Variants in LZTR1 observed in about 807,000 individuals in gnomAD.
LZTR1 encodes the protein leucine zipper like post translational regulator 1.
A neutral mutation model predicts 105.7 loss-of-function variants in LZTR1; 260 were observed. That is an observed-to-expected ratio of 2.46 (90% CI 2.22 to 2.72). The LOEUF is 2.72. LZTR1 is among the 30% of genes most tolerant of loss of function. The pLI is 0.00. For synonymous variants in LZTR1, 490 were observed against 476.4 expected, an observed-to-expected ratio of 1.03 and a Z score of -0.37; for missense variants, 1,214 against 1,166.9, an observed-to-expected ratio of 1.04 and a Z score of -0.59.
rs368817086 is a variant in LZTR1, at chr22:20,987,109, C to T, written c.321-395C>T. 3.8e-4 allele frequency: 60 copies of T among 158,618 alleles called. 1 individual carries two copies. In the South Asian group the frequency reaches 9.0e-3, roughly 24 times the overall value. The allele number at this position is 158,618 out of a possible 1,614,324, so 9.8% of individuals were successfully genotyped here. ...TCACCTTCAAAATACAAAAGTGAAA[C>T]GTAGCTGGGCGCGGTGGCTCACGCC... On this transcript the variant is annotated intron_variant, in intron 3 of 20. Coordinates refer to ENST00000646124, the MANE Select transcript of LZTR1 (RefSeq NM_006767.4).
chr22:20,982,393 G>C lies in LZTR1; in HGVS notation c.22G>C (p.Gly8Arg), dbSNP rs575193991. The change falls in exon 1 of 21, where the codon GGG (glycine) becomes CGG (arginine). Residue 8 changes from glycine to arginine, a missense_variant. Coordinates refer to ENST00000646124, the MANE Select transcript of LZTR1 (RefSeq NM_006767.4). ...CGGGATGGCTGGACCGGGCAGCACGGGGGGGCAGATCGGGGCTGCGGCCCT... is the reference window on the plus strand; with the variant it reads ...CGGGATGGCTGGACCGGGCAGCACGCGGGGGCAGATCGGGGCTGCGGCCCT... MAGPGST[G>R]GQIGAAALAG... 1.2e-5 allele frequency: 18 copies of C among 1,559,652 alleles called. No homozygotes were observed. The highest frequency in any genetic ancestry group is 9.6e-5 in the Admixed American group (5 of 52,028).
Position 20,991,680 on chromosome 22 carries a change from C to A in LZTR1, c.844C>A (p.Gln282Lys). Residue 282 changes from glutamine to lysine, a missense_variant, in exon 9 of 21, where the codon CAG becomes AAG. Transcript: ENST00000646124. ...HLLRGSPPPPQRRYGHTMVAF... is the reference protein window; with the variant it reads ...HLLRGSPPPPKRRYGHTMVAF... ...GCTCCGGGGCTCCCCACCACCCCCG[C>A]AGCGGCGCTACGGGCATACCATGGT... 6.2e-7 allele frequency: 1 copy of A among 1,604,404 alleles called. No homozygotes were observed. Among genetic ancestry groups the A allele is most frequent in the Admixed American group, 1.7e-5 (1 of 59,136 alleles).
intron 5 of LZTR1, among the ~76,000 whole-genome samples, 159 bp from the exon 6 acceptor site, chr22:20,988,627 CTGT>C (rs972262804): frequency 1.3e-5 from 2 of 152,186 alleles, no homozygotes; most frequent in African/African-American, 2.4e-5. Flanking sequence ...GCCTCTGGGG[CTGT>C]TGTTTATTCC....
chr22:20,995,980 T>G lies in LZTR1; in HGVS notation c.2087T>G (p.Phe696Cys), dbSNP rs765187155. 1 of 1,613,636 alleles carries G rather than the reference T, an allele frequency of 6.2e-7. No individual in the cohort carries two copies. The highest frequency in any genetic ancestry group is 1.3e-5 in the African/African-American group (1 of 74,912). ...AARSSYFEAM[F>C]RSFMPEDGQV... ...GTCTGCAGCTACTTTGAAGCCATGTTCCGGTCCTTCATGCCCGAAGATGGG... is the reference window on the plus strand; with the variant it reads ...GTCTGCAGCTACTTTGAAGCCATGTGCCGGTCCTTCATGCCCGAAGATGGG... The change falls in exon 18 of 21, where the codon TTC becomes TGC. Residue 696 changes from phenylalanine to cysteine, a missense_variant. Physicochemically the swap from Phe to Cys is radical, Grantham distance 205. Transcript: ENST00000646124.
Position 20,990,398 on chromosome 22 carries a change from G to A in LZTR1, c.664G>A (p.Gly222Ser). 1 of 1,614,140 alleles carries A rather than the reference G, an allele frequency of 6.2e-7. No individual in the cohort carries two copies. Among genetic ancestry groups the A allele is most frequent in the Non-Finnish European group, 8.5e-7 (1 of 1,180,024 alleles). ...LTCWEEVAQSGEIPPSCCNFP... is the reference protein window; with the variant it reads ...LTCWEEVAQSSEIPPSCCNFP... ...TCTCCCCCTGCAGGTGGCCCAGAGT[G>A]GCGAGATCCCCCCATCTTGCTGCAA... is the stretch of plus-strand genomic sequence containing the variant. Residue 222 changes from glycine to serine, a missense_variant, in exon 8 of 21, where the codon GGC (glycine) becomes AGC (serine). Transcript: ENST00000646124.
At position 20,996,686 on chromosome 22, in the gene LZTR1, C is replaced by G; in HGVS notation, c.2220-10C>G. On this transcript the variant is annotated splice_polypyrimidine_tract_variant and intron_variant, in intron 18 of 20. Coordinates refer to ENST00000646124, the MANE Select transcript of LZTR1 (RefSeq NM_006767.4). ...AGCTTCCTTTAGTCAGCTCCTTAAC[C>G]AGGCCCCAGCTACTTGTTTGCGGCC... 6.8e-6 allele frequency: 11 copies of G among 1,612,374 alleles called. No homozygotes were observed. Among genetic ancestry groups the G allele is most frequent in the Non-Finnish European group, 9.3e-6 (11 of 1,178,904 alleles).
At chr22:20,988,160 G>C (rs1443476012) in intron 5 of LZTR1, 42 bp downstream of exon 5, 7 of 1,317,442 alleles carry the variant, frequency 5.3e-6, no homozygotes, top group African/African-American at 1.5e-5. Flanking sequence ...GCTGGGTCCT[G>C]GGTGGCATTG....
rs1052325845 is a variant in LZTR1, at chr22:20,996,284, G to A, written c.2219+172G>A. 4 of 710,026 alleles carry A rather than the reference G, an allele frequency of 5.6e-6. No homozygotes were observed. The African/African-American group carries it at 7.2e-5, about 13-fold the overall frequency. The allele number at this position is 710,026 out of a possible 1,614,324, so 44.0% of individuals were successfully genotyped here. Reference sequence around the variant, plus strand: ...GGGCCTGGTGCTCTCTGAAGCAGTTGGCAGCTGGCAAGGAGGGGTTTGCAG... The same window carrying A: ...GGGCCTGGTGCTCTCTGAAGCAGTTAGCAGCTGGCAAGGAGGGGTTTGCAG... On this transcript the variant is annotated intron_variant, in intron 18 of 20. Transcript: ENST00000646124.
chr22:20,988,094 G>A lies in LZTR1; in HGVS notation c.485G>A (p.Trp162Ter), dbSNP rs1458120855. The A allele has an allele frequency of 3.7e-6, 6 of 1,611,462 alleles. No homozygotes were observed. Among genetic ancestry groups the A allele is most frequent in the African/African-American group, 2.7e-5 (2 of 74,860 alleles). Residue 162 changes from tryptophan to a stop codon, truncating the protein, a stop_gained, in exon 5 of 21, where the codon TGG (tryptophan) becomes TAG (stop). Transcript: ENST00000646124. LOFTEE classifies it high-confidence loss of function. ...LFEYKFATGQ[W>*]TEWKIEGRLP... ...GAATACAAGTTTGCAACTGGCCAGT[G>A]GACGGAGTGGAAAATTGAAGGACGG...
chr22:20,990,745 C>T (rs1924580053), intron 8 of LZTR1: 1 of 530,866 alleles, frequency 1.9e-6, no homozygotes, highest in Admixed American at 3.6e-5. Flanking sequence ...GAGGAGGCCC[C>T]TGGCTAGGCC....
At chr22:20,986,511 G>C (rs1304578657) in intron 3 of LZTR1, 2 of 152,316 alleles carry the variant, frequency 1.3e-5, no homozygotes, top group Non-Finnish European at 2.9e-5. Context: ...ATAGATAGTG[G>C]ATAGATGATA....
At chr22:20,990,250 C>A in intron 7 of LZTR1, 136 bp from the exon 8 acceptor site, 1 of 1,027,912 alleles carries the variant, frequency 9.7e-7, no homozygotes, top group Non-Finnish European at 1.5e-6. Context: ...TGAGCTGTTC[C>A]AAGACAAAGG....
At chr22:20,985,459 A>G (rs889667967) in intron 2 of LZTR1, among the ~76,000 whole-genome samples, 18 of 141,730 alleles carry the variant, frequency 1.3e-4, no homozygotes, top group Admixed American at 1.1e-3. Flanking sequence ...TGCAGGGTAC[A>G]GCTGCAGAGG....
Position 20,987,497 on chromosome 22 carries a change from A to G in LZTR1, c.321-7A>G, listed in dbSNP as rs764595132. The G allele has an allele frequency of 1.1e-5, 17 of 1,599,882 alleles. No homozygotes were observed. The highest frequency in any genetic ancestry group is 2.2e-5 in the South Asian group (2 of 90,746). On this transcript the variant is annotated splice_region_variant and splice_polypyrimidine_tract_variant and intron_variant, in intron 3 of 20. Coordinates refer to ENST00000646124, the MANE Select transcript of LZTR1 (RefSeq NM_006767.4). ...GCTGACTCTCACCACCCCTGTGCCCACCCCAGGGCCTTTACCACTGGGACC... is the reference window on the plus strand; with the variant it reads ...GCTGACTCTCACCACCCCTGTGCCCGCCCCAGGGCCTTTACCACTGGGACC...
At chr22:20,994,764 G>C (rs762159579) in intron 15 of LZTR1, 37 bp downstream of exon 15, 62 of 1,607,962 alleles carry the variant, frequency 3.9e-5, no homozygotes, top group Non-Finnish European at 5.2e-5. Flanking sequence ...GGTTGGGTGG[G>C]GTGTGCTCAG....
intron 6 of LZTR1, 48 bp downstream of exon 6, chr22:20,988,920 C>A: frequency 5.2e-6 from 8 of 1,539,168 alleles, no homozygotes; most frequent in South Asian, 1.1e-5. Context: ...AGCACTGAGA[C>A]CCGGAGCAGG....
Position 20,996,064 on chromosome 22 carries a change from T to C in LZTR1, c.2171T>C (p.Leu724Pro), listed in dbSNP as rs766095536. The change falls in exon 18 of 21, where the codon CTG (leucine) becomes CCG (proline). Residue 724 changes from leucine (L) to proline (P), a missense_variant. Transcript: ENST00000646124. ...AGCAGGCAGGCCTTCGAGTCCATGC[T>C]GCGCTACATCTACTACGGCGAGGTC... ...VPSRQAFESM[L>P]RYIYYGEVNM... 4.3e-6 allele frequency: 7 copies of C among 1,613,460 alleles called. No homozygotes were observed. Among genetic ancestry groups the C allele is most frequent in the South Asian group, 3.3e-5 (3 of 91,090 alleles).
chr22:20,995,699 G>T, intron 16 of LZTR1, 47 bp from the exon 17 acceptor site: 2 of 1,609,412 alleles, frequency 1.2e-6, no homozygotes, highest in Non-Finnish European at 1.7e-6. Context: ...GGGGCCCCAA[G>T]GCCAGAATCC....
chr22:20,993,632 A>T (rs373135341), intron 11 of LZTR1, 30 bp from the exon 12 acceptor site: 2 of 1,591,882 alleles, frequency 1.3e-6, no homozygotes, highest in Non-Finnish European at 1.7e-6. Context: ...GCTGTCTGCA[A>T]CATCTAGTCT....
Sources: allele counts gnomAD v4.1 joint callset (sites outside exome capture counted in the v4.1 genomes callset), GRCh38; gene constraint gnomAD v4.1.1; transcripts MANE v1.5; gene names NCBI Gene and HGNC (gene_info 2026-07-23, HGNC 2026-07-21).